Variants in CHD1L observed in about 807,000 individuals in gnomAD.
CHD1L encodes the protein chromodomain helicase DNA binding protein 1 like.
In CHD1L, 118 loss-of-function variants were observed where a neutral mutation model predicts 115.9. The observed-to-expected ratio is 1.02, with a 90% CI of 0.88 to 1.19. The LOEUF (loss-of-function observed/expected upper bound fraction) is 1.19, where lower values mean the gene tolerates loss of function less well. Ranked by LOEUF, CHD1L falls within the 50% of genes most tolerant of loss-of-function variation. CHD1L has a pLI of 0.00. For synonymous variants in CHD1L, 411 were observed against 387.1 expected (o/e 1.06, Z -0.72); for missense variants, 1,179 against 1,065.3 (o/e 1.11, Z -1.49).
upstream of CHD1L, among the ~76,000 whole-genome samples, chr1:147,242,006 C>T (rs1664950429): frequency 1.3e-5 from 2 of 152,078 alleles, no homozygotes; most frequent in East Asian, 1.9e-4. Flanking sequence ...ATAAATGCAG[C>T]TATTTTGTTA....
At chr1:147,251,590 G>A (rs1384231621) in intron 1 of CHD1L, among the ~76,000 whole-genome samples, 4 of 151,968 alleles carry the variant, frequency 2.6e-5, no homozygotes, top group South Asian at 2.1e-4. Context: ...GTGCAGTGGC[G>A]CGATCTCGGC....
the CHD1L span, among the ~76,000 whole-genome samples, chr1:147,233,116 A>G: frequency 0.58 from 86,393 of 148,990 alleles, 26,752 homozygotes; most frequent in East Asian, 0.87. Flanking sequence ...CCGCCGCCCC[A>G]TCTGGGATGT....
At chr1:147,270,783 T>C in intron 10 of CHD1L, 149 bp from the exon 11 acceptor site, 1 of 634,668 alleles carries the variant, frequency 1.6e-6, no homozygotes, top group Non-Finnish European at 2.8e-6. Flanking sequence ...CATTTGGAGG[T>C]TCTGAGGCAG....
At chr1:147,250,838 A>G (rs1393059260) in intron 1 of CHD1L, among the ~76,000 whole-genome samples, 1 of 151,994 alleles carries the variant, frequency 6.6e-6, no homozygotes, top group African/African-American at 2.4e-5. Flanking sequence ...TGTGTCCCCA[A>G]CCACATCTCA....
intron 14 of CHD1L, among the ~76,000 whole-genome samples, chr1:147,276,852 C>T (rs782287221): frequency 6.6e-6 from 1 of 152,146 alleles, no homozygotes; most frequent in African/African-American, 2.4e-5. Flanking sequence ...ATAATATTTC[C>T]TGGATGCTTT....
chr1:147,215,887 G>A, the CHD1L span: 3 of 1,612,984 alleles, frequency 1.9e-6, no homozygotes, highest in Non-Finnish European at 2.5e-6. Flanking sequence ...CATCTCTTTA[G>A]AAGTATTGAT....
At chr1:147,292,997 AGAAAAGT>A (rs1686152241) in intron 20 of CHD1L, among the ~76,000 whole-genome samples, 2 of 104,212 alleles carry the variant, frequency 1.9e-5, no homozygotes, top group Non-Finnish European at 5.1e-5. Context: ...CTAAAAAAGG[AGAAAAGT>A]AAAGTGTCTG....
At chr1:147,264,022 C>T (rs1235832393) in intron 6 of CHD1L, among the ~76,000 whole-genome samples, 1 of 152,152 alleles carries the variant, frequency 6.6e-6, no homozygotes, top group African/African-American at 2.4e-5. Context: ...GCGTTGGATT[C>T]TCAAACTGCA....
chr1:147,238,828 T>C (rs1435681278), upstream of CHD1L, among the ~76,000 whole-genome samples: 1 of 152,200 alleles, frequency 6.6e-6, no homozygotes, highest in Non-Finnish European at 1.5e-5. Flanking sequence ...ACTAACCCTG[T>C]TTTTAGATTC....
intron 1 of CHD1L, among the ~76,000 whole-genome samples, chr1:147,247,564 T>C (rs1237751785): frequency 6.6e-6 from 1 of 152,212 alleles, no homozygotes; most frequent in Non-Finnish European, 1.5e-5. Flanking sequence ...GTTGGTGCCA[T>C]GCTTCTTGTA....
upstream of CHD1L, chr1:147,242,517 C>T (rs1298535191): frequency 5.7e-6 from 3 of 530,966 alleles, no homozygotes; most frequent in Middle Eastern, 5.4e-4. Flanking sequence ...ACGCTCCGCA[C>T]TGCAAGAACT....
At chr1:147,187,060 C>T in the CHD1L span, 2 of 1,614,150 alleles carry the variant, frequency 1.2e-6, no homozygotes, top group Non-Finnish European at 1.7e-6. Flanking sequence ...AGCCCCATCC[C>T]ACTTTCCAGG....
Position 147,294,481 on chromosome 1 carries a change from G to A in CHD1L, c.2579G>A (p.Arg860Gln), listed in dbSNP as rs377751265. Residue 860 changes from arginine (R) to glutamine (Q), a missense_variant, in exon 22 of 23, where the codon CGG becomes CAG. By Grantham distance (43) the Arg-to-Gln change is conservative. Coordinates refer to ENST00000369258, the MANE Select transcript of CHD1L (RefSeq NM_004284.6). The part of the protein sequence containing the change: ...FNWYGTERLI[R>Q]KHLAARGIPT... ...TGGTATGGTACTGAGCGACTTATTC[G>A]GAAACATCTGGCTGCAAGAGGCATC... 16 of 1,612,660 alleles carry A rather than the reference G, an allele frequency of 9.9e-6. No homozygotes were observed. The highest frequency in any genetic ancestry group is 4.5e-5 in the East Asian group (2 of 44,774).
intron 18 of CHD1L, 62 bp downstream of exon 18, chr1:147,286,562 G>A: frequency 8.0e-6 from 12 of 1,501,414 alleles, no homozygotes; most frequent in Non-Finnish European, 1.1e-5. Flanking sequence ...AAGAACTGGG[G>A]AGGATGGGGC....
At chr1:147,277,574 T>G (rs1053356533) in intron 14 of CHD1L, among the ~76,000 whole-genome samples, 1 of 152,110 alleles carries the variant, frequency 6.6e-6, no homozygotes, top group South Asian at 2.1e-4. Context: ...AGGGGGTAGG[T>G]GTGGCTTTTT....
the CHD1L span, among the ~76,000 whole-genome samples, chr1:147,227,605 A>C: frequency 6.6e-6 from 1 of 152,238 alleles, no homozygotes; most frequent in Non-Finnish European, 1.5e-5. Context: ...TCATTGAAAA[A>C]TAACTTGATA....
chr1:147,270,389 T>G (rs1553951994), intron 10 of CHD1L, among the ~76,000 whole-genome samples: 1 of 152,178 alleles, frequency 6.6e-6, no homozygotes, highest in African/African-American at 2.4e-5. Flanking sequence ...CTTGCTTCTC[T>G]AAAGTAATGC....
At chr1:147,244,611 C>T (rs1389500517) in intron 1 of CHD1L, among the ~76,000 whole-genome samples, 1 of 152,102 alleles carries the variant, frequency 6.6e-6, no homozygotes, top group African/African-American at 2.4e-5. Flanking sequence ...GTTCTCTATC[C>T]TGTATAATTT....
chr1:147,245,791 C>T (rs1201898328), intron 1 of CHD1L, among the ~76,000 whole-genome samples: 1 of 151,908 alleles, frequency 6.6e-6, no homozygotes, highest in Non-Finnish European at 1.5e-5. Flanking sequence ...GATCCTCCCA[C>T]CTCAGCCTTC....
Sources: allele counts gnomAD v4.1 joint callset (sites outside exome capture counted in the v4.1 genomes callset), GRCh38; gene constraint gnomAD v4.1.1; transcripts MANE v1.5; gene names NCBI Gene and HGNC (gene_info 2026-07-23, HGNC 2026-07-21).